ADRA1D: variants seen among roughly 807,000 people sequenced by gnomAD.
The protein encoded by ADRA1D is alpha-1D adrenergic receptor.
In ADRA1D, 22 loss-of-function variants were observed where a neutral mutation model predicts 18.6. The observed-to-expected ratio is 1.19, with a 90% CI of 0.85 to 1.69. The LOEUF is 1.69. Ranked by LOEUF, ADRA1D falls within the 40% of genes most tolerant of loss-of-function variation. The pLI is 0.00. For synonymous variants in ADRA1D, 376 were observed against 388.2 expected, an observed-to-expected ratio of 0.97 and a Z score of 0.37; for missense variants, 840 against 840.7, an observed-to-expected ratio of 1.00 and a Z score of 0.01.
At position 4,222,420 on chromosome 20, in the gene ADRA1D, C is replaced by T. The variant is rs1980694728; in HGVS notation, c.1112-290G>A. ...AATTGCTGTTTTTGTAGCTCAAAAC[C>T]GGTGCAATATTGGCAGTTTCGTATT... On this transcript the variant is annotated intron_variant, in intron 1 of 1. Transcript: ENST00000379453. This position sits in a 1 kb window ranked among gnomAD's most constrained non-coding sequence, Gnocchi z 4.3. 6.7e-6 allele frequency: 2 copies of T among 298,354 alleles called. No individual in the cohort carries two copies. The highest frequency in any genetic ancestry group is 1.0e-4 in the Admixed American group (2 of 20,062). 18.5% of individuals were successfully genotyped at this position (298,354 alleles called of 1,614,324 possible). A position where few individuals can be genotyped will look rare whatever the true frequency, so the allele number is the denominator to read the frequency against.
chr20:4,248,527 A>C lies in ADRA1D; in HGVS notation c.431T>G (p.Leu144Arg), dbSNP rs779403789. 1.2e-6 allele frequency: 2 copies of C among 1,613,876 alleles called. No individual in the cohort carries two copies. Among genetic ancestry groups the C allele is most frequent in the Admixed American group, 3.3e-5 (2 of 60,026 alleles). The change falls in exon 1 of 2, where the codon CTG (leucine) becomes CGG (arginine). Residue 144 changes from leucine to arginine, a missense_variant. By Grantham distance (102) the Leu-to-Arg change is moderately radical. Coordinates refer to ENST00000379453, the MANE Select transcript of ADRA1D (RefSeq NM_000678.4). ...GAAGGGCAGTACGGTGGCGCTCAGC[A>C]GCAGGTCGGCCACGGCCAGGTTCAC... ...FIVNLAVADL[L>R]LSATVLPFSA...
rs761008526 is a variant in ADRA1D at position 4,248,900 on chromosome 20, C to A, written c.58G>T (p.Ala20Ser). Residue 20 changes from alanine (A) to serine (S), a missense_variant, in exon 1 of 2, where the codon GCA (alanine) becomes TCA (serine). Physicochemically the swap from Ala to Ser is moderately conservative, Grantham distance 99 (BLOSUM62 1). Coordinates refer to ENST00000379453, the MANE Select transcript of ADRA1D (RefSeq NM_000678.4). ...SFEGPRPDSS[A>S]GGSSAGGGGG... ...CCGCCGCCCGCGCTGGAGCCCCCTG[C>A]GCTGCTGTCCGGGCGGGGTCCCTCG... 2.3e-6 allele frequency: 3 copies of A among 1,297,782 alleles called. No individual in the cohort carries two copies. Among genetic ancestry groups the A allele is most frequent in the Non-Finnish European group, 3.0e-6 (3 of 1,010,266 alleles). The allele number at this position is 1,297,782 out of a possible 1,614,324, so 80.4% of individuals were successfully genotyped here. A position where few individuals can be genotyped will look rare whatever the true frequency, so the allele number is the denominator to read the frequency against.
intron 1 of ADRA1D, among the ~76,000 whole-genome samples, chr20:4,238,266 C>T: frequency 6.6e-6 from 1 of 151,448 alleles, no homozygotes; most frequent in Non-Finnish European, 1.5e-5. Context: ...AAATAAAAAA[C>T]AAATAAAATA....
Position 4,222,614 on chromosome 20 carries a change from C to T in ADRA1D, c.1112-484G>A, listed in dbSNP as rs1568761753. On this transcript the variant is annotated intron_variant, in intron 1 of 1. Coordinates refer to ENST00000379453, the MANE Select transcript of ADRA1D (RefSeq NM_000678.4). The surrounding 1 kb of genome is among the most constrained non-coding windows in gnomAD (Gnocchi z 4.3). ...TCCCTGCCACATCTCCTGTCTGAGT[C>T]ACTGTTTTCCTGAAATGATAAATGA... 1.3e-5 allele frequency among the ~76,000 whole-genome samples: 2 copies of T among 152,216 alleles called. No individual in the cohort carries two copies. The highest frequency in any genetic ancestry group is 2.9e-5 in the Non-Finnish European group (2 of 68,042).
At chr20:4,241,930 C>T (rs73610171) in intron 1 of ADRA1D, among the ~76,000 whole-genome samples, 8,196 of 145,810 alleles carry the variant, frequency 0.056, 434 homozygotes, top group East Asian at 0.29. Flanking sequence ...ATTTAGAAAG[C>T]GTGTGTATCT....
intron 1 of ADRA1D, among the ~76,000 whole-genome samples, chr20:4,238,244 C>A (rs1981142027): frequency 6.6e-6 from 1 of 151,542 alleles, no homozygotes; most frequent in African/African-American, 2.4e-5. Flanking sequence ...CAGAGCAAGA[C>A]CCTGTCTCAA....
At chr20:4,237,342 G>C (rs1433341921) in intron 1 of ADRA1D, among the ~76,000 whole-genome samples, 4 of 151,898 alleles carry the variant, frequency 2.6e-5, no homozygotes, top group African/African-American at 9.7e-5. Flanking sequence ...GCAGTGAGCT[G>C]TGATCACACG....
intron 1 of ADRA1D, among the ~76,000 whole-genome samples, chr20:4,247,433 G>A (rs1453541160): frequency 6.6e-6 from 1 of 152,098 alleles, no homozygotes; most frequent in East Asian, 1.9e-4. Flanking sequence ...GACTGGCCAG[G>A]GCTTGCTACC....
chr20:4,223,150 T>C (rs1017250397), intron 1 of ADRA1D, among the ~76,000 whole-genome samples: 1 of 149,720 alleles, frequency 6.7e-6, no homozygotes, highest in Non-Finnish European at 1.5e-5. Context: ...GGTACAAAGA[T>C]AATTCAATAG....
chr20:4,232,675 G>T (rs1335055519), intron 1 of ADRA1D, among the ~76,000 whole-genome samples: 3 of 152,240 alleles, frequency 2.0e-5, no homozygotes, highest in Admixed American at 1.3e-4. Context: ...TGATGTTGGT[G>T]CCCTGCCCAG....
chr20:4,235,166 G>A (rs186986469), intron 1 of ADRA1D, among the ~76,000 whole-genome samples: 6 of 152,324 alleles, frequency 3.9e-5, no homozygotes, highest in African/African-American at 4.8e-5. Flanking sequence ...TGCGCCGGGT[G>A]TAGGTCAGAA....
chr20:4,231,048 T>TTC (rs751206586), intron 1 of ADRA1D, among the ~76,000 whole-genome samples: 1 of 89,900 alleles, frequency 1.1e-5, no homozygotes. Context: ...TTTTCTTTCT[T>TTC]TCTTTCTTTC....
chr20:4,222,096 G>T lies in ADRA1D; in HGVS notation c.1146C>A (p.Gly382=). 1.2e-6 allele frequency: 2 copies of T among 1,612,642 alleles called. No individual in the cohort carries two copies. Among genetic ancestry groups the T allele is most frequent in the Non-Finnish European group, 1.7e-6 (2 of 1,179,430 alleles). ...CGAGCCAGAAGATGACCTTGAAGAC[G>T]CCCTCCGATGGCTTCAGCTGCGGGA... ...SLFPQLKPSE[G]VFKVIFWLGY... Residue 382 remains glycine (G), a synonymous_variant, in exon 2 of 2, where the codon GGC becomes GGA. Coordinates refer to ENST00000379453, the MANE Select transcript of ADRA1D (RefSeq NM_000678.4). This position sits in a 1 kb window ranked among gnomAD's most constrained non-coding sequence, Gnocchi z 4.3.
At chr20:4,240,344 T>C (rs1981183877) in intron 1 of ADRA1D, among the ~76,000 whole-genome samples, 1 of 152,052 alleles carries the variant, frequency 6.6e-6, no homozygotes. Flanking sequence ...GCCAGCAACA[T>C]TTCAACACTA....
intron 1 of ADRA1D, among the ~76,000 whole-genome samples, chr20:4,227,763 C>CCTTCCT (rs1568763509): frequency 1.5e-5 from 2 of 134,798 alleles, no homozygotes; most frequent in African/African-American, 5.7e-5. Flanking sequence ...CTCTCTCTCT[C>CCTTCCT]TTTCTTCTCT....
At chr20:4,231,263 A>AATTATTATTATT (rs1167951096) in intron 1 of ADRA1D, among the ~76,000 whole-genome samples, 1 of 83,910 alleles carries the variant, frequency 1.2e-5, no homozygotes, top group Non-Finnish European at 2.4e-5. Flanking sequence ...ACACCTGGCT[A>AATTATTATTATT]ATTGTTATTA....
rs757551512 is a variant in ADRA1D, at chr20:4,248,500, G to C, written c.458C>G (p.Ser153Trp). Residue 153 changes from serine (S) to tryptophan (W), a missense_variant, in exon 1 of 2, where the codon TCG becomes TGG. Coordinates refer to ENST00000379453, the MANE Select transcript of ADRA1D (RefSeq NM_000678.4). ...LLLSATVLPF[S>W]ATMEVLGFWA... ...GAAGCCCAGAACCTCCATGGTGGCCGAGAAGGGCAGTACGGTGGCGCTCAG... is the reference window on the plus strand; with the variant it reads ...GAAGCCCAGAACCTCCATGGTGGCCCAGAAGGGCAGTACGGTGGCGCTCAG... 1.9e-6 allele frequency: 3 copies of C among 1,613,670 alleles called. No homozygotes were observed. The highest frequency in any genetic ancestry group is 2.5e-6 in the Non-Finnish European group (3 of 1,179,872).
At chr20:4,225,044 C>T (rs1424726862) in intron 1 of ADRA1D, among the ~76,000 whole-genome samples, 6 of 149,668 alleles carry the variant, frequency 4.0e-5, no homozygotes, top group Admixed American at 4.0e-4. Context: ...CTCTGTCACC[C>T]AGGCTGGAGT....
intron 1 of ADRA1D, among the ~76,000 whole-genome samples, chr20:4,229,627 T>C (rs1476860398): frequency 6.6e-6 from 1 of 152,108 alleles, no homozygotes; most frequent in Non-Finnish European, 1.5e-5. Context: ...TCCGGTATGT[T>C]TGTAGAACGA....
Sources: allele counts gnomAD v4.1 joint callset (sites outside exome capture counted in the v4.1 genomes callset), GRCh38; gene constraint gnomAD v4.1.1; non-coding constraint Gnocchi (gnomAD v3.1); transcripts MANE v1.5; gene names NCBI Gene and HGNC (gene_info 2026-07-23, HGNC 2026-07-21).